The following CORO2B variants were observed in gnomAD, a reference collection of about 807,000 sequenced individuals.
The protein encoded by CORO2B is coronin-2B.
A neutral mutation model predicts 58.8 loss-of-function variants in CORO2B; 26 were observed. The ratio of observed to expected loss-of-function variants is 0.44; its 90% CI spans 0.32 to 0.61. The LOEUF (loss-of-function observed/expected upper bound fraction) is 0.61. CORO2B is among the 20% of genes least tolerant of loss of function. The pLI is 0.04. For synonymous variants in CORO2B, 242 were observed against 253.8 expected (o/e 0.95, Z 0.44); for missense variants, 460 against 645.1 (o/e 0.71, Z 3.11).
the CORO2B span, among the ~76,000 whole-genome samples, chr15:68,538,499 C>T: frequency 1.3e-5 from 2 of 152,130 alleles, no homozygotes; most frequent in Non-Finnish European, 2.9e-5. Context: ...AGGTCCTGGG[C>T]GTTGCCCTGG....
chr15:68,565,665 C>T, the CORO2B span, among the ~76,000 whole-genome samples: 1 of 152,192 alleles, frequency 6.6e-6, no homozygotes, highest in Non-Finnish European at 1.5e-5. Context: ...CGGGATGACC[C>T]TCACTCCATG....
chr15:68,655,181 C>A (rs149320641), intron 2 of CORO2B, among the ~76,000 whole-genome samples: 1 of 152,178 alleles, frequency 6.6e-6, no homozygotes, highest in Non-Finnish European at 1.5e-5. Context: ...CAGTGCCTGG[C>A]GTACAGCAAG....
chr15:68,524,142 C>T, the CORO2B span, among the ~76,000 whole-genome samples: 1 of 152,050 alleles, frequency 6.6e-6, no homozygotes, highest in African/African-American at 2.4e-5. Flanking sequence ...GAGAGGACCG[C>T]TTGAGCCCAG....
chr15:68,652,615 C>T (rs1190153970), intron 2 of CORO2B, among the ~76,000 whole-genome samples: 2 of 152,226 alleles, frequency 1.3e-5, no homozygotes, highest in African/African-American at 4.8e-5. Flanking sequence ...TACACCGGGT[C>T]TCTGGGGCTG....
At chr15:68,584,440 G>A (rs150426365) in intron 1 of CORO2B, among the ~76,000 whole-genome samples, 60 of 152,292 alleles carry the variant, frequency 3.9e-4, no homozygotes, top group African/African-American at 1.4e-3. Flanking sequence ...CCAGCCCTGT[G>A]AGGTTGGCAC....
the CORO2B span, among the ~76,000 whole-genome samples, chr15:68,571,427 C>G: frequency 6.6e-6 from 1 of 152,066 alleles, no homozygotes; most frequent in Non-Finnish European, 1.5e-5. Context: ...AAGAAATTAG[C>G]CAGGAATGAC....
chr15:68,619,476 C>T (rs1180332135), intron 1 of CORO2B, among the ~76,000 whole-genome samples: 2 of 152,108 alleles, frequency 1.3e-5, no homozygotes, highest in African/African-American at 2.4e-5. Context: ...GGGCTTCTGT[C>T]GTGGTGCTGG....
chr15:68,602,912 T>G (rs1476975599), intron 1 of CORO2B, among the ~76,000 whole-genome samples: 2 of 152,206 alleles, frequency 1.3e-5, no homozygotes, highest in Non-Finnish European at 2.9e-5. Flanking sequence ...GGTTGGGATA[T>G]ATATAATTTT....
intron 10 of CORO2B, 80 bp from the exon 11 acceptor site, chr15:68,719,333 T>G (rs1265032219): frequency 1.2e-6 from 2 of 1,603,352 alleles, no homozygotes; most frequent in African/African-American, 1.3e-5. Flanking sequence ...TGTTTGAACT[T>G]CCCTCCCACC....
intron 1 of CORO2B, among the ~76,000 whole-genome samples, chr15:68,604,607 T>TA (rs1390002213): frequency 6.7e-6 from 1 of 149,394 alleles, no homozygotes; most frequent in Non-Finnish European, 1.5e-5. Context: ...TCTCTATGTA[T>TA]AAGTTGTGAT....
chr15:68,719,844 C>G (rs144573239), intron 11 of CORO2B, among the ~76,000 whole-genome samples: 52 of 152,312 alleles, frequency 3.4e-4, no homozygotes, highest in Non-Finnish European at 6.9e-4. Context: ...TTTGGAGTTC[C>G]AGGAGTTATA....
intron 3 of CORO2B, among the ~76,000 whole-genome samples, chr15:68,707,484 G>A (rs760351398): frequency 2.6e-5 from 4 of 152,156 alleles, no homozygotes; most frequent in Non-Finnish European, 4.4e-5. Flanking sequence ...ACAGAACTTA[G>A]ATGTCAATTA....
At chr15:68,680,798 G>C (rs1355381560) in intron 2 of CORO2B, among the ~76,000 whole-genome samples, 26 of 152,180 alleles carry the variant, frequency 1.7e-4, no homozygotes, top group Admixed American at 1.7e-3. Flanking sequence ...CCTGTACTTC[G>C]TAAGGTTATT....
chr15:68,711,514 C>T, intron 4 of CORO2B, 28 bp from the exon 5 acceptor site: 1 of 1,598,998 alleles, frequency 6.3e-7, no homozygotes. Context: ...AGCCACTGAC[C>T]CTGCCTCCCA....
At chr15:68,651,270 C>G (rs552879955) in intron 2 of CORO2B, among the ~76,000 whole-genome samples, 1 of 152,346 alleles carries the variant, frequency 6.6e-6, no homozygotes, top group South Asian at 2.1e-4. Context: ...CTACCGCCCC[C>G]TGTGGTCAGG....
intron 3 of CORO2B, among the ~76,000 whole-genome samples, chr15:68,705,383 A>T (rs1284171407): frequency 1.3e-5 from 2 of 150,260 alleles, no homozygotes; most frequent in Non-Finnish European, 2.9e-5. Flanking sequence ...GGTTTCAGTA[A>T]GCTGAGATCA....
intron 1 of CORO2B, among the ~76,000 whole-genome samples, chr15:68,586,916 A>G (rs1363577717): frequency 6.6e-6 from 1 of 152,060 alleles, no homozygotes; most frequent in Admixed American, 6.5e-5. Flanking sequence ...CCAAAAGGAA[A>G]CTTTGCTCTG....
the CORO2B span, among the ~76,000 whole-genome samples, chr15:68,523,958 G>T: frequency 3.9e-5 from 6 of 152,156 alleles, no homozygotes; most frequent in Admixed American, 3.9e-4. Flanking sequence ...GGCCTCAGTG[G>T]CTCATGCTTA....
At chr15:68,671,546 T>G (rs1902395030) in intron 2 of CORO2B, among the ~76,000 whole-genome samples, 1 of 152,246 alleles carries the variant, frequency 6.6e-6, no homozygotes, top group Non-Finnish European at 1.5e-5. Context: ...TGGGTAGTTC[T>G]GGTTCAGGGT....
Sources: allele counts gnomAD v4.1 joint callset (sites outside exome capture counted in the v4.1 genomes callset), GRCh38; gene constraint gnomAD v4.1.1; transcripts MANE v1.5; gene names NCBI Gene and HGNC (gene_info 2026-07-23, HGNC 2026-07-21).